KIF16B: variants seen among roughly 807,000 people sequenced by gnomAD.
KIF16B encodes the protein kinesin-like protein KIF16B.
In KIF16B, 98 loss-of-function variants were observed where a neutral mutation model predicts 156.3. The observed-to-expected ratio is 0.63, with a 90% CI of 0.53 to 0.74. KIF16B has a LOEUF of 0.74. Among genes scored for constraint, KIF16B ranks in the 30% least tolerant of loss-of-function variants. KIF16B has a pLI of 0.00. For missense variants in KIF16B, 1,421 were observed against 1,606.5 expected, an observed-to-expected ratio of 0.88 and a Z score of 1.97; for synonymous variants, 564 against 583.7, an observed-to-expected ratio of 0.97 and a Z score of 0.49.
At chr20:16,436,016 C>T (rs2066631970) in intron 12 of KIF16B, among the ~76,000 whole-genome samples, 1 of 152,122 alleles carries the variant, frequency 6.6e-6, no homozygotes, top group Admixed American at 6.6e-5. Context: ...GTGATTTCAT[C>T]TATATTGGGA....
intron 17 of KIF16B, among the ~76,000 whole-genome samples, chr20:16,385,014 C>T (rs112916180): frequency 0.055 from 8,363 of 151,842 alleles, 664 homozygotes; most frequent in African/African-American, 0.17. Flanking sequence ...CTGGCCAACA[C>T]GGTGAAACCC....
chr20:16,376,575 G>C (rs75044316), intron 19 of KIF16B, among the ~76,000 whole-genome samples: 2,117 of 152,298 alleles, frequency 0.014, 50 homozygotes, highest in African/African-American at 0.048. Context: ...AGAGAGCCCG[G>C]AATCCGTCGG....
chr20:16,415,682 A>G (rs929300409), intron 15 of KIF16B, among the ~76,000 whole-genome samples: 3 of 152,110 alleles, frequency 2.0e-5, no homozygotes, highest in African/African-American at 7.2e-5. Context: ...AGTCTTAGAC[A>G]TTTCTTCACT....
Position 16,378,939 on chromosome 20 carries a change from C to T in KIF16B, c.3063G>A (p.Arg1021=), listed in dbSNP as rs752375192. Reference sequence around the variant, plus strand: ...CAATCTCCATGCCCAGGGTGGAGTGCCTCTGCAGCGCAGAATGTCTCCTCT... The same window carrying T: ...CAATCTCCATGCCCAGGGTGGAGTGTCTCTGCAGCGCAGAATGTCTCCTCT... ...RLERRHSALQ[R]HSTLGMEIEE... The change falls in exon 19 of 26, where the codon AGG becomes AGA. Residue 1021 remains arginine, a synonymous_variant. Transcript: ENST00000354981. The T allele has an allele frequency of 6.2e-6, 10 of 1,613,974 alleles. No individual in the cohort carries two copies. Among genetic ancestry groups the T allele is most frequent in the East Asian group, 4.5e-5 (2 of 44,872 alleles).
chr20:16,367,780 G>A (rs2064711529), intron 22 of KIF16B: 7 of 1,612,696 alleles, frequency 4.3e-6, no homozygotes, highest in African/African-American at 2.7e-5. Context: ...AGCGCAGGCA[G>A]CGGCATCAGG....
chr20:16,489,121 G>A (rs573009307), intron 12 of KIF16B, among the ~76,000 whole-genome samples: 1 of 152,316 alleles, frequency 6.6e-6, no homozygotes, highest in East Asian at 1.9e-4. Flanking sequence ...AGGCAGGAGG[G>A]GCAAAGGCAT....
At chr20:16,404,319 G>T (rs757796858) in intron 17 of KIF16B, among the ~76,000 whole-genome samples, 1 of 152,112 alleles carries the variant, frequency 6.6e-6, no homozygotes, top group African/African-American at 2.4e-5. Flanking sequence ...ACTGTCCAAG[G>T]TCACCCAGCC....
At chr20:16,444,751 C>T (rs557076912) in intron 12 of KIF16B, among the ~76,000 whole-genome samples, 4 of 152,186 alleles carry the variant, frequency 2.6e-5, no homozygotes, top group Admixed American at 1.3e-4. Flanking sequence ...AAATTGCTCT[C>T]AGAACCTTTG....
chr20:16,293,873 G>A (rs1221417195), intron 25 of KIF16B, among the ~76,000 whole-genome samples: 12 of 152,106 alleles, frequency 7.9e-5, no homozygotes, highest in East Asian at 1.9e-4. Context: ...GTGCATGGGA[G>A]GACCAGGCAG....
chr20:16,392,157 C>T (rs754540931), intron 17 of KIF16B, among the ~76,000 whole-genome samples: 2 of 152,126 alleles, frequency 1.3e-5, no homozygotes, highest in Non-Finnish European at 2.9e-5. Context: ...TCAGCCTTTC[C>T]GGCCATACAG....
intron 24 of KIF16B, among the ~76,000 whole-genome samples, chr20:16,330,999 T>C (rs1232614471): frequency 1.3e-5 from 2 of 152,190 alleles, no homozygotes; most frequent in East Asian, 3.9e-4. Context: ...CAGAGACTGC[T>C]TGGGGGGCTT....
intron 25 of KIF16B, among the ~76,000 whole-genome samples, chr20:16,289,441 A>C (rs571570641): frequency 1.3e-5 from 2 of 152,350 alleles, no homozygotes; most frequent in Admixed American, 6.5e-5. Context: ...TTCTCCTTCA[A>C]AGGAAAGTAA....
chr20:16,346,589 C>CT (rs2064238690), intron 23 of KIF16B, among the ~76,000 whole-genome samples: 1 of 152,192 alleles, frequency 6.6e-6, no homozygotes, highest in African/African-American at 2.4e-5. Context: ...CAAATCCTGC[C>CT]TTTTGCAATA....
chr20:16,571,787 G>A (rs541256925), intron 1 of KIF16B, among the ~76,000 whole-genome samples: 80 of 151,936 alleles, frequency 5.3e-4, no homozygotes, highest in Middle Eastern at 6.8e-3. Context: ...CCACCACCAC[G>A]CCCGGCTAAT....
At chr20:16,473,739 G>T (rs567056517) in intron 12 of KIF16B, among the ~76,000 whole-genome samples, 2 of 152,112 alleles carry the variant, frequency 1.3e-5, no homozygotes, top group Non-Finnish European at 2.9e-5. Context: ...CATCCATTTT[G>T]AATTCATTCT....
At chr20:16,371,194 T>G (rs1399791652) in intron 21 of KIF16B, among the ~76,000 whole-genome samples, 1 of 152,184 alleles carries the variant, frequency 6.6e-6, no homozygotes, top group Admixed American at 6.5e-5. Flanking sequence ...CCAAGCAATA[T>G]TTAATATTTT....
In KIF16B at chr20:16,564,061, C is replaced by T. The variant is rs952378183; in HGVS notation, c.47+9168G>A. On this transcript the variant is annotated intron_variant, in intron 1 of 25. Transcript: ENST00000354981. ...TGTTTTCTTTTTCTCTTCTTCAAAA[C>T]AAAAAGAGACAAACAAAAAAATCTG... 6.6e-5 allele frequency among the ~76,000 whole-genome samples: 10 copies of T among 152,100 alleles called. No homozygotes were observed. The East Asian group carries it at 1.9e-3, about 29-fold the overall frequency.
chr20:16,368,809 C>A, intron 22 of KIF16B: 1 of 985,832 alleles, frequency 1.0e-6, no homozygotes, highest in Non-Finnish European at 1.2e-6. Flanking sequence ...CTGCTTGCCT[C>A]CGCTATTTAT....
chr20:16,462,113 C>T (rs375681966), intron 12 of KIF16B, among the ~76,000 whole-genome samples: 1 of 152,012 alleles, frequency 6.6e-6, no homozygotes, highest in Non-Finnish European at 1.5e-5. Context: ...TGGTGGCACA[C>T]GCCTGTAGTC....
Sources: gnomAD v4.1 joint callset for allele counts (sites outside exome capture counted in the v4.1 genomes callset) on GRCh38, gnomAD v4.1.1 for gene constraint, MANE v1.5 for transcripts, NCBI Gene and HGNC (gene_info 2026-07-23, HGNC 2026-07-21) for gene names.